Variants in XRN2 observed in about 807,000 individuals in gnomAD.
XRN2 encodes the protein 5'-3' exoribonuclease 2.
XRN2 carries 44 observed loss-of-function variants against 138.5 expected under a neutral mutation model. The ratio of observed to expected loss-of-function variants is 0.32; its 90% CI spans 0.25 to 0.41. XRN2 has a LOEUF of 0.41. Ranked by LOEUF, XRN2 falls within the 10% of genes least tolerant of loss-of-function variation. The pLI, the probability that XRN2 is intolerant of heterozygous loss-of-function variation, is 1.00. For synonymous variants in XRN2, 354 were observed against 369.4 expected, an observed-to-expected ratio of 0.96 and a Z score of 0.48; for missense variants, 937 against 1,169.3, an observed-to-expected ratio of 0.80 and a Z score of 2.90.
chr20:21,313,687 A>T (rs1324526498), intron 1 of XRN2, among the ~76,000 whole-genome samples: 1 of 152,242 alleles, frequency 6.6e-6, no homozygotes, highest in East Asian at 1.9e-4. Flanking sequence ...AACTCTTGGT[A>T]ATACTGCGTT....
intron 24 of XRN2, among the ~76,000 whole-genome samples, chr20:21,359,677 A>G (rs930133325): frequency 3.9e-5 from 6 of 152,206 alleles, no homozygotes; most frequent in South Asian, 2.1e-4. Flanking sequence ...GGTAAAAGTA[A>G]TTTTCAGTGT....
At chr20:21,352,388 C>A (rs1002592413) in intron 20 of XRN2, among the ~76,000 whole-genome samples, 1 of 151,764 alleles carries the variant, frequency 6.6e-6, no homozygotes, top group East Asian at 1.9e-4. Flanking sequence ...AGTGCAGTGA[C>A]GCGATCTCGG....
intron 3 of XRN2, among the ~76,000 whole-genome samples, chr20:21,327,204 C>A (rs2038140411): frequency 6.6e-6 from 1 of 152,116 alleles, no homozygotes; most frequent in African/African-American, 2.4e-5. Flanking sequence ...GAAAGCCTTA[C>A]CGTCTGGAGT....
intron 27 of XRN2, among the ~76,000 whole-genome samples, chr20:21,374,771 G>A (rs891445138): frequency 6.6e-6 from 1 of 151,784 alleles, no homozygotes; most frequent in Non-Finnish European, 1.5e-5. Flanking sequence ...TTTTTTGGAC[G>A]TTCTGGGGTA....
chr20:21,305,335 A>G (rs7266341), intron 1 of XRN2, among the ~76,000 whole-genome samples: 102,806 of 151,936 alleles, frequency 0.68, 35,541 homozygotes, highest in South Asian at 0.84. Context: ...TCGGCTCACT[A>G]CAACCTCTGG....
chr20:21,351,115 T>C (rs952130358), intron 20 of XRN2, among the ~76,000 whole-genome samples: 3 of 152,200 alleles, frequency 2.0e-5, no homozygotes, highest in African/African-American at 7.2e-5. Context: ...TAATTAAATA[T>C]ATAAACATGC....
chr20:21,346,808 G>A (rs976938294), intron 17 of XRN2, among the ~76,000 whole-genome samples: 4 of 151,816 alleles, frequency 2.6e-5, no homozygotes, highest in Admixed American at 1.3e-4. Context: ...TAGTAGAGAC[G>A]GGGTTTCACC....
intron 16 of XRN2, among the ~76,000 whole-genome samples, chr20:21,345,625 G>A (rs957273744): frequency 2.6e-5 from 4 of 151,986 alleles, no homozygotes; most frequent in African/African-American, 9.7e-5. Context: ...AATAAGAAAT[G>A]GATTCTTAAA....
intron 13 of XRN2, 37 bp downstream of exon 13, chr20:21,334,222 T>G (rs1465641826): frequency 8.5e-6 from 13 of 1,534,492 alleles, no homozygotes; most frequent in Non-Finnish European, 1.2e-5. Context: ...AAATTGCTCC[T>G]GTCTCTAATA....
intron 13 of XRN2, among the ~76,000 whole-genome samples, chr20:21,335,543 G>A (rs912015588): frequency 6.6e-6 from 1 of 152,130 alleles, no homozygotes; most frequent in African/African-American, 2.4e-5. Flanking sequence ...CTTTCCAAAA[G>A]CCTTCAGTAC....
chr20:21,335,209 G>A (rs1299819898), intron 13 of XRN2, among the ~76,000 whole-genome samples: 1 of 152,226 alleles, frequency 6.6e-6, no homozygotes, highest in Non-Finnish European at 1.5e-5. Context: ...TGGAGGAGCA[G>A]CAGCCTGGAG....
At chr20:21,342,065 A>G (rs2122236771) in intron 15 of XRN2, among the ~76,000 whole-genome samples, 1 of 152,196 alleles carries the variant, frequency 6.6e-6, no homozygotes, top group East Asian at 1.9e-4. Flanking sequence ...TGCCACAATT[A>G]TTTCTATATA....
intron 1 of XRN2, among the ~76,000 whole-genome samples, chr20:21,324,135 ACT>A (rs1001352175): frequency 2.0e-5 from 3 of 150,468 alleles, no homozygotes; most frequent in African/African-American, 7.4e-5. Context: ...TTTTCTATAG[ACT>A]CCACCCACCC....
intron 27 of XRN2, among the ~76,000 whole-genome samples, chr20:21,371,865 T>C (rs2038766595): frequency 6.6e-6 from 1 of 152,246 alleles, no homozygotes; most frequent in South Asian, 2.1e-4. Context: ...GTTCTTCGTC[T>C]GCCTTCTTTG....
chr20:21,338,955 A>C, intron 13 of XRN2, 89 bp from the exon 14 acceptor site: 1 of 1,288,550 alleles, frequency 7.8e-7, no homozygotes, highest in Non-Finnish European at 1.1e-6. Context: ...TTTAAAACTT[A>C]AGTTGTCTCC....
intron 15 of XRN2, among the ~76,000 whole-genome samples, chr20:21,343,410 C>T (rs202846): frequency 0.92 from 139,793 of 151,976 alleles, 64,423 homozygotes; most frequent in Non-Finnish European, 0.95. Context: ...TTTGAAATAC[C>T]AATAAAATCT....
chr20:21,340,072 A>G (rs2038351599), intron 14 of XRN2, among the ~76,000 whole-genome samples: 1 of 152,220 alleles, frequency 6.6e-6, no homozygotes, highest in African/African-American at 2.4e-5. Flanking sequence ...CTATAATCAT[A>G]TCTAATTAAT....
At chr20:21,366,180 ATATATAT>A (rs2038699457) in intron 26 of XRN2, among the ~76,000 whole-genome samples, 1 of 127,122 alleles carries the variant, frequency 7.9e-6, no homozygotes, top group Non-Finnish European at 1.6e-5. Flanking sequence ...ATATATATAA[ATATATAT>A]TATATTTATA....
intron 27 of XRN2, among the ~76,000 whole-genome samples, chr20:21,380,759 C>G (rs1430222942): frequency 6.6e-5 from 10 of 152,220 alleles, no homozygotes; most frequent in Non-Finnish European, 1.5e-5. Context: ...GGGTTTGGCA[C>G]CCATGGGTAT....
Sources: gnomAD v4.1 joint callset for allele counts (sites outside exome capture counted in the v4.1 genomes callset) on GRCh38, gnomAD v4.1.1 for gene constraint, MANE v1.5 for transcripts, NCBI Gene and HGNC (gene_info 2026-07-23, HGNC 2026-07-21) for gene names.